ROBO2: variants seen among roughly 807,000 people sequenced by gnomAD.
ROBO2 encodes roundabout homolog 2.
A neutral mutation model predicts 160.8 loss-of-function variants in ROBO2; 53 were observed. The observed-to-expected ratio is 0.33, with a 90% CI of 0.26 to 0.41. ROBO2 has a LOEUF of 0.41. ROBO2 is among the 10% of genes least tolerant of loss of function. The probability of loss-of-function intolerance (pLI) is 1.00; values close to 1 mark genes in which losing one functional copy is unlikely to be tolerated. For synonymous variants in ROBO2, 664 were observed against 611.7 expected (o/e 1.09, Z -1.26); for missense variants, 1,577 against 1,722.4 (o/e 0.92, Z 1.49).
In ROBO2 at chr3:75,978,903, G is replaced by T. The variant is rs772082406; in HGVS notation, c.109+41301G>T. Among the ~76,000 whole-genome samples, 8 of 151,624 alleles carry T rather than the reference G, an allele frequency of 5.3e-5. 1 individual carries two copies. In the South Asian group the frequency reaches 1.2e-3, roughly 24 times the overall value. On this transcript the variant is annotated intron_variant, in intron 2 of 26. Coordinates refer to the ROBO2 transcript ENST00000487694. ...TAGGATGGGGCATGAGTAAGTGCTTGTGCATTTTTGCTTTCTCACTGGCTC... is the reference window on the plus strand; with the variant it reads ...TAGGATGGGGCATGAGTAAGTGCTTTTGCATTTTTGCTTTCTCACTGGCTC...
At chr3:77,094,686 A>G (rs2070798238) in intron 1 of ROBO2, among the ~76,000 whole-genome samples, 1 of 152,172 alleles carries the variant, frequency 6.6e-6, no homozygotes, top group South Asian at 2.1e-4. Flanking sequence ...CAAACCCTTG[A>G]CAATACTTGT....
chr3:76,177,100 C>T (rs2073258873), intron 2 of ROBO2, among the ~76,000 whole-genome samples: 1 of 152,046 alleles, frequency 6.6e-6, no homozygotes, highest in African/African-American at 2.4e-5. Context: ...TGTATTAATA[C>T]TAGTGTGTAC....
chr3:75,966,975 C>T (rs144732201), intron 2 of ROBO2, among the ~76,000 whole-genome samples: 1 of 151,698 alleles, frequency 6.6e-6, no homozygotes, highest in South Asian at 2.1e-4. Flanking sequence ...TACACATAGA[C>T]TCAGGTCTTT....
At chr3:77,263,907 AT>A (rs1560375440) in intron 2 of ROBO2, among the ~76,000 whole-genome samples, 1 of 152,200 alleles carries the variant, frequency 6.6e-6, no homozygotes, top group East Asian at 1.9e-4. Context: ...TAATCTAAGC[AT>A]TGTGTCTTGG....
At chr3:75,908,713 A>G (rs1946448548) in intron 1 of ROBO2, among the ~76,000 whole-genome samples, 1 of 152,178 alleles carries the variant, frequency 6.6e-6, no homozygotes, top group Non-Finnish European at 1.5e-5. Context: ...TTTCTCTTTG[A>G]TATAAAATAT....
intron 2 of ROBO2, among the ~76,000 whole-genome samples, chr3:76,584,868 G>T (rs888076291): frequency 2.6e-5 from 4 of 152,140 alleles, no homozygotes; most frequent in Non-Finnish European, 4.4e-5. Context: ...CTGTCTTCCT[G>T]CAGTGTCTAT....
intron 2 of ROBO2, among the ~76,000 whole-genome samples, chr3:76,701,245 G>A (rs2093039354): frequency 6.6e-6 from 1 of 151,980 alleles, no homozygotes. Context: ...TATTTTAATT[G>A]TTCCATTTAG....
At chr3:76,074,045 C>T (rs2068562278) in intron 2 of ROBO2, among the ~76,000 whole-genome samples, 1 of 152,102 alleles carries the variant, frequency 6.6e-6, no homozygotes, top group African/African-American at 2.4e-5. Context: ...AGCTGAGGCT[C>T]CAGGTCCATG....
intron 4 of ROBO2, among the ~76,000 whole-genome samples, chr3:77,482,122 T>C (rs2084770323): frequency 6.6e-6 from 1 of 152,196 alleles, no homozygotes; most frequent in Non-Finnish European, 1.5e-5. Context: ...TGTATGTACA[T>C]GTGTATATAT....
At chr3:76,650,234 G>C (rs1483155177) in intron 2 of ROBO2, among the ~76,000 whole-genome samples, 1 of 152,110 alleles carries the variant, frequency 6.6e-6, no homozygotes, top group African/African-American at 2.4e-5. Context: ...CTAAAAATAA[G>C]TGTTGGCTAC....
chr3:77,128,074 G>A (rs1458616817), intron 2 of ROBO2, among the ~76,000 whole-genome samples: 1 of 152,090 alleles, frequency 6.6e-6, no homozygotes, highest in Non-Finnish European at 1.5e-5. Flanking sequence ...ATTCATTTAT[G>A]ATTCATTAAG....
intron 2 of ROBO2, among the ~76,000 whole-genome samples, chr3:76,531,102 AG>A (rs1163805376): frequency 6.6e-6 from 1 of 152,224 alleles, no homozygotes; most frequent in Non-Finnish European, 1.5e-5. Context: ...AAAATAAGAT[AG>A]GACATTTATT....
intron 6 of ROBO2, among the ~76,000 whole-genome samples, chr3:77,540,810 ATAG>A (rs1421349179): frequency 6.7e-6 from 1 of 150,202 alleles, no homozygotes; most frequent in Non-Finnish European, 1.5e-5. Context: ...CATCATTATG[ATAG>A]TAGTTGAAAC....
chr3:77,648,070 C>A (rs2095424739), exon 26 of ROBO2: 1 of 152,108 alleles, frequency 6.6e-6, no homozygotes, highest in Non-Finnish European at 1.5e-5. Context: ...CAACTTTCTA[C>A]CATCAGTGCC....
chr3:75,931,101 A>C (rs149300990), intron 1 of ROBO2, among the ~76,000 whole-genome samples: 2 of 152,266 alleles, frequency 1.3e-5, no homozygotes, highest in African/African-American at 4.8e-5. Context: ...ATCTCACATT[A>C]GTCTTTATCC....
chr3:76,847,687 A>G (rs1279246461), intron 2 of ROBO2, among the ~76,000 whole-genome samples: 1 of 152,074 alleles, frequency 6.6e-6, no homozygotes. Flanking sequence ...GAAAGGTGGT[A>G]TTCCCCTTTC....
chr3:76,346,817 T>G (rs1308169598), intron 2 of ROBO2, among the ~76,000 whole-genome samples: 1 of 152,184 alleles, frequency 6.6e-6, no homozygotes, highest in South Asian at 2.1e-4. Context: ...ATATACTCAC[T>G]GAGTGACAAC....
intron 5 of ROBO2, among the ~76,000 whole-genome samples, chr3:77,501,379 A>G (rs950933312): frequency 6.6e-6 from 1 of 152,222 alleles, no homozygotes; most frequent in Non-Finnish European, 1.5e-5. Flanking sequence ...TGTGGTTAGA[A>G]TCATGCAAAT....
chr3:77,350,220 G>A (rs1316745365), intron 2 of ROBO2, among the ~76,000 whole-genome samples: 1 of 151,848 alleles, frequency 6.6e-6, no homozygotes, highest in East Asian at 1.9e-4. Context: ...ACCAGCCTGG[G>A]CAACATAGCT....
Sources: allele counts gnomAD v4.1 joint callset (sites outside exome capture counted in the v4.1 genomes callset), GRCh38; gene constraint gnomAD v4.1.1; transcripts MANE v1.5; gene names NCBI Gene and HGNC (gene_info 2026-07-23, HGNC 2026-07-21).